WASF3: variants seen among roughly 807,000 people sequenced by gnomAD.
WASF3 encodes actin-binding protein WASF3.
Under a neutral mutation model 46.6 loss-of-function variants are expected in WASF3, and 11 were observed. That is an observed-to-expected ratio of 0.24 (90% CI 0.15 to 0.39). The LOEUF (loss-of-function observed/expected upper bound fraction) is 0.39. WASF3 is among the 10% of genes least tolerant of loss of function. The pLI is 1.00. For missense variants in WASF3, 576 were observed against 669.8 expected (o/e 0.86, Z 1.55); for synonymous variants, 242 against 259.7 (o/e 0.93, Z 0.65).
chr13:26,636,815 A>G (rs1376381655), intron 2 of WASF3, among the ~76,000 whole-genome samples: 5 of 152,198 alleles, frequency 3.3e-5, no homozygotes, highest in African/African-American at 1.2e-4. Flanking sequence ...GACCAGAGCC[A>G]TATCACAGGT....
intron 1 of WASF3, among the ~76,000 whole-genome samples, chr13:26,612,441 C>T (rs985605516): frequency 6.6e-6 from 1 of 152,148 alleles, no homozygotes; most frequent in Admixed American, 6.5e-5. Context: ...CCTTCTAGGG[C>T]GTATTTGGCA....
At chr13:26,593,046 C>T (rs763071146) in intron 1 of WASF3, among the ~76,000 whole-genome samples, 3 of 151,942 alleles carry the variant, frequency 2.0e-5, no homozygotes, top group African/African-American at 2.4e-5. Context: ...GGGATGTTAA[C>T]GGTTTTTAGG....
At chr13:26,597,533 C>G (rs1880507178) in intron 1 of WASF3, among the ~76,000 whole-genome samples, 2 of 151,880 alleles carry the variant, frequency 1.3e-5, no homozygotes, top group African/African-American at 4.8e-5. Flanking sequence ...GCACAACGTG[C>G]AGGTTTGTTA....
intron 2 of WASF3, among the ~76,000 whole-genome samples, chr13:26,636,396 G>C (rs572673462): frequency 6.6e-6 from 1 of 152,214 alleles, no homozygotes; most frequent in Admixed American, 6.5e-5. Flanking sequence ...GAAGTGCCCT[G>C]TTTTTCCAGG....
At position 26,682,617 on chromosome 13, in the gene WASF3, G is replaced by C. The variant is rs1349006024; in HGVS notation, c.994G>C (p.Ala332Pro). The C allele has an allele frequency of 3.1e-6, 5 of 1,614,110 alleles. No homozygotes were observed. The highest frequency in any genetic ancestry group is 3.4e-6 in the Non-Finnish European group (4 of 1,180,032). Residue 332 changes from alanine (A) to proline (P), a missense_variant, in exon 9 of 10, where the codon GCG (alanine) becomes CCG (proline). Ala to Pro is a conservative substitution (Grantham distance 27). Coordinates refer to ENST00000335327, the MANE Select transcript of WASF3 (RefSeq NM_006646.6). The surrounding 1 kb of genome is among the most constrained non-coding windows in gnomAD (Gnocchi z 4.4). Reference protein sequence around the residue: ...MAPADYGMLPAQIIEYYNPSG... With the variant: ...MAPADYGMLPPQIIEYYNPSG... ...TCATATCTCTCTCAGGATGCTCCCA[G>C]CGCAGATAATTGAGTATTACAACCC...
At chr13:26,641,297 C>G (rs1322074863) in intron 2 of WASF3, 1 of 152,118 alleles carries the variant, frequency 6.6e-6, no homozygotes, top group African/African-American at 2.4e-5. Flanking sequence ...TACTCCTGAG[C>G]CTTTTGTAGG....
chr13:26,615,097 G>A (rs1023736245), intron 2 of WASF3, among the ~76,000 whole-genome samples: 6 of 151,920 alleles, frequency 3.9e-5, no homozygotes, highest in African/African-American at 2.4e-5. Context: ...TTTAAGTACC[G>A]TTTTGGAGCT....
chr13:26,546,814 T>C, the WASF3 span, among the ~76,000 whole-genome samples: 1 of 152,244 alleles, frequency 6.6e-6, no homozygotes, highest in African/African-American at 2.4e-5. Flanking sequence ...CTCCAGCGTG[T>C]GACCTTAACT....
At chr13:26,554,036 T>TTCC (rs1879028219), upstream of WASF3, among the ~76,000 whole-genome samples, 2 of 71,798 alleles carry the variant, frequency 2.8e-5, no homozygotes, top group Admixed American at 1.5e-4. Flanking sequence ...CTTCTTTCTC[T>TTCC]TTCTTTCCTT....
rs1368414367 is a variant in WASF3 at position 26,682,679 on chromosome 13, T to A, written c.1056T>A (p.Ile352=). ...GPPPPPPPPV[I]PSAQTAFVSP... ...CTCCTCCGCCACCTCCTCCTGTGAT[T>A]CCCTCAGCACAAACTGCCTTCGTCA... The change falls in exon 9 of 10, where the codon ATT becomes ATA. Residue 352 remains isoleucine (I), a synonymous_variant. Transcript: ENST00000335327. The surrounding 1 kb of genome is among the most constrained non-coding windows in gnomAD (Gnocchi z 4.4). 6.2e-6 allele frequency: 10 copies of A among 1,613,976 alleles called. No homozygotes were observed. The Admixed American group carries it at 1.7e-4, about 27-fold the overall frequency.
At chr13:26,566,176 C>T (rs994488598) in intron 1 of WASF3, among the ~76,000 whole-genome samples, 1 of 152,082 alleles carries the variant, frequency 6.6e-6, no homozygotes, top group Admixed American at 6.5e-5. Flanking sequence ...CATTTTTTCT[C>T]TTTTTGAACA....
At chr13:26,576,841 A>G (rs1879812204) in intron 1 of WASF3, 1 of 553,048 alleles carries the variant, frequency 1.8e-6, no homozygotes, top group African/African-American at 1.9e-5. Context: ...CTACGTAACT[A>G]TAGTATAATA....
upstream of WASF3, among the ~76,000 whole-genome samples, chr13:26,553,690 G>A (rs537536405): frequency 1.3e-5 from 2 of 152,026 alleles, no homozygotes; most frequent in South Asian, 2.1e-4. Flanking sequence ...GGTGGCGGGC[G>A]CCTGTAGTCC....
At chr13:26,676,839 C>G (rs1883083542) in intron 7 of WASF3, 115 bp downstream of exon 7, 1 of 987,004 alleles carries the variant, frequency 1.0e-6, no homozygotes, top group East Asian at 2.7e-5. Flanking sequence ...CCCTTGATGT[C>G]TTAAGATTTT....
intron 1 of WASF3, among the ~76,000 whole-genome samples, chr13:26,574,053 A>C (rs1391057947): frequency 6.6e-6 from 1 of 152,020 alleles, no homozygotes; most frequent in Admixed American, 6.6e-5. Flanking sequence ...TATCATTTTC[A>C]GTGTTTTGTA....
At chr13:26,544,363 G>C in the WASF3 span, among the ~76,000 whole-genome samples, 2 of 152,092 alleles carry the variant, frequency 1.3e-5, no homozygotes, top group African/African-American at 4.8e-5. Flanking sequence ...GGCCCAAATC[G>C]GTTTTATACC....
chr13:26,656,739 G>T (rs775677988), intron 3 of WASF3, among the ~76,000 whole-genome samples: 2 of 151,652 alleles, frequency 1.3e-5, no homozygotes, highest in African/African-American at 4.8e-5. Context: ...TGTTTTCTCC[G>T]ATCTGTAACT....
At chr13:26,633,774 T>A (rs1881730664) in intron 2 of WASF3, among the ~76,000 whole-genome samples, 1 of 152,220 alleles carries the variant, frequency 6.6e-6, no homozygotes, top group Non-Finnish European at 1.5e-5. Context: ...GAGCAGGTTG[T>A]TCAGTTTCCA....
chr13:26,554,523 T>C (rs1055416651), upstream of WASF3, among the ~76,000 whole-genome samples: 3 of 152,166 alleles, frequency 2.0e-5, no homozygotes, highest in African/African-American at 7.2e-5. Flanking sequence ...GCAATAAAGG[T>C]CCATAAATAC....
Sources: allele counts gnomAD v4.1 joint callset (sites outside exome capture counted in the v4.1 genomes callset), GRCh38; gene constraint gnomAD v4.1.1; non-coding constraint Gnocchi (gnomAD v3.1); transcripts MANE v1.5; gene names NCBI Gene and HGNC (gene_info 2026-07-23, HGNC 2026-07-21).